SLC4A8: variants seen among roughly 807,000 people sequenced by gnomAD.
SLC4A8 encodes electroneutral sodium bicarbonate exchanger 1.
SLC4A8 carries 40 observed loss-of-function variants against 125.0 expected under a neutral mutation model. The observed-to-expected ratio is 0.32, with a 90% CI of 0.25 to 0.42. The LOEUF is 0.42. SLC4A8 is among the 10% of genes least tolerant of loss of function. The probability of loss-of-function intolerance (pLI) is 1.00; values close to 1 mark genes in which losing one functional copy is unlikely to be tolerated. For missense variants in SLC4A8, 863 were observed against 1,355.1 expected (o/e 0.64, Z 5.70); for synonymous variants, 456 against 476.0 (o/e 0.96, Z 0.55).
intron 1 of SLC4A8, among the ~76,000 whole-genome samples, chr12:51,437,289 A>G (rs1375209278): frequency 6.6e-6 from 1 of 152,230 alleles, no homozygotes; most frequent in Non-Finnish European, 1.5e-5. Context: ...GTAAGCTGGA[A>G]ACTTGAGCAG....
At chr12:51,456,628 G>A (rs915728202) in intron 5 of SLC4A8, among the ~76,000 whole-genome samples, 2 of 152,168 alleles carry the variant, frequency 1.3e-5, no homozygotes, top group African/African-American at 2.4e-5. Context: ...GAGGTATAGA[G>A]AGATTATATA....
intron 9 of SLC4A8, chr12:51,461,805 G>A (rs764563024): frequency 4.6e-5 from 9 of 195,840 alleles, no homozygotes; most frequent in Admixed American, 3.2e-4. Flanking sequence ...TGCACTGCTC[G>A]GTAAGCTGCA....
intron 16 of SLC4A8, among the ~76,000 whole-genome samples, chr12:51,483,354 C>A (rs1348947120): frequency 8.5e-4 from 117 of 138,096 alleles, no homozygotes; most frequent in Admixed American, 1.0e-3. Flanking sequence ...TTCTCACACA[C>A]AAAAAAAAAA....
intron 12 of SLC4A8, among the ~76,000 whole-genome samples, chr12:51,470,087 T>C (rs1950647265): frequency 6.6e-6 from 1 of 152,176 alleles, no homozygotes; most frequent in African/African-American, 2.4e-5. Flanking sequence ...AATGACTCTG[T>C]ATGTGAGCTT....
intron 11 of SLC4A8, among the ~76,000 whole-genome samples, chr12:51,464,824 C>T (rs1440165613): frequency 6.6e-6 from 1 of 152,108 alleles, no homozygotes; most frequent in Admixed American, 6.5e-5. Context: ...TTTTATTTTT[C>T]CAATCTTGGA....
At chr12:51,487,812 C>A (rs1019561834) in intron 17 of SLC4A8, among the ~76,000 whole-genome samples, 5 of 152,172 alleles carry the variant, frequency 3.3e-5, no homozygotes, top group African/African-American at 1.2e-4. Context: ...GGGAGAAGCC[C>A]CTTGGAGCAA....
intron 8 of SLC4A8, among the ~76,000 whole-genome samples, chr12:51,460,749 G>C (rs1250419444): frequency 6.6e-6 from 1 of 152,208 alleles, no homozygotes; most frequent in African/African-American, 2.4e-5. Context: ...TGGTGATTCA[G>C]AGCCCTGCTA....
intron 14 of SLC4A8, among the ~76,000 whole-genome samples, chr12:51,471,897 C>G (rs895608047): frequency 6.6e-6 from 1 of 152,154 alleles, no homozygotes; most frequent in African/African-American, 2.4e-5. Context: ...ACTATGTTAT[C>G]AAGTGAGAGA....
At chr12:51,458,512 G>C in intron 6 of SLC4A8, 47 bp from the exon 7 acceptor site, 1 of 1,358,876 alleles carries the variant, frequency 7.4e-7, no homozygotes, top group Non-Finnish European at 1.1e-6. Context: ...GTGTCAGAAG[G>C]GGAAAAGGGC....
intron 3 of SLC4A8, 150 bp downstream of exon 3, chr12:51,451,172 G>C: frequency 1.3e-6 from 1 of 777,152 alleles, no homozygotes; most frequent in Non-Finnish European, 1.9e-6. Context: ...ATGCCTCTAA[G>C]AGTCAAAAAT....
At chr12:51,453,380 C>T (rs1950027050) in intron 4 of SLC4A8, among the ~76,000 whole-genome samples, 159 bp from the exon 5 acceptor site, 1 of 152,136 alleles carries the variant, frequency 6.6e-6, no homozygotes, top group African/African-American at 2.4e-5. Context: ...CTATTACCTG[C>T]TTTTTTCACT....
Position 51,511,545 on chromosome 12 carries a change from A to G in SLC4A8, c.*4107A>G, listed in dbSNP as rs1443727385. 1 of 152,168 alleles carries G rather than the reference A, an allele frequency of 6.6e-6. No individual in the cohort carries two copies. The highest frequency in any genetic ancestry group is 1.5e-5 in the Non-Finnish European group (1 of 68,090). 9.4% of individuals were successfully genotyped at this position (152,168 alleles called of 1,614,324 possible). A position where few individuals can be genotyped will look rare whatever the true frequency, so the allele number is the denominator to read the frequency against. Reference sequence around the variant, plus strand: ...GCTAGGATTACAGGTGCGCACCACCATGCCCAGCTAATTTTTGTATTTTAG... The same window carrying G: ...GCTAGGATTACAGGTGCGCACCACCGTGCCCAGCTAATTTTTGTATTTTAG... On this transcript the variant is annotated 3_prime_UTR_variant, in exon 25 of 25. Transcript: ENST00000453097.
chr12:51,497,408 A>G, intron 22 of SLC4A8: 1 of 288,160 alleles, frequency 3.5e-6, no homozygotes, highest in Non-Finnish European at 6.5e-6. Context: ...TAGCAGATTC[A>G]ATGGCTCACA....
chr12:51,444,463 G>A (rs918488845), intron 2 of SLC4A8, among the ~76,000 whole-genome samples: 1 of 151,960 alleles, frequency 6.6e-6, no homozygotes, highest in African/African-American at 2.4e-5. Context: ...TAATGTTCGT[G>A]ATAATTGATT....
At chr12:51,453,971 A>G (rs750971808) in intron 5 of SLC4A8, among the ~76,000 whole-genome samples, 1 of 152,180 alleles carries the variant, frequency 6.6e-6, no homozygotes, top group East Asian at 1.9e-4. Context: ...TGTATCTGCT[A>G]TATACTTGAT....
intron 22 of SLC4A8, among the ~76,000 whole-genome samples, chr12:51,501,454 A>G (rs1937880150): frequency 6.6e-6 from 1 of 152,294 alleles, no homozygotes; most frequent in Non-Finnish European, 1.5e-5. Context: ...ACTGGCCTCC[A>G]GCTGCATCCA....
At chr12:51,498,239 A>G (rs1937658161) in intron 22 of SLC4A8, among the ~76,000 whole-genome samples, 1 of 152,146 alleles carries the variant, frequency 6.6e-6, no homozygotes, top group Non-Finnish European at 1.5e-5. Context: ...AAATTTTAAA[A>G]TAACAGATAA....
intron 1 of SLC4A8, among the ~76,000 whole-genome samples, chr12:51,407,566 G>C (rs1948513270): frequency 6.6e-6 from 1 of 152,116 alleles, no homozygotes; most frequent in African/African-American, 2.4e-5. Flanking sequence ...ACCGTGCCCG[G>C]CTTCAACATA....
At chr12:51,417,581 G>A (rs1379051741) in intron 1 of SLC4A8, among the ~76,000 whole-genome samples, 3 of 151,380 alleles carry the variant, frequency 2.0e-5, no homozygotes, top group East Asian at 1.9e-4. Context: ...GCAGTGGGGC[G>A]ATCTTGGCTC....
Sources: allele counts gnomAD v4.1 joint callset (sites outside exome capture counted in the v4.1 genomes callset), GRCh38; gene constraint gnomAD v4.1.1; transcripts MANE v1.5; gene names NCBI Gene and HGNC (gene_info 2026-07-23, HGNC 2026-07-21).